The following MAP3K7 variants were observed in gnomAD, a reference collection of about 807,000 sequenced individuals.
The protein encoded by MAP3K7 is mitogen-activated protein kinase kinase kinase 7, also known as TGF-beta activated kinase 1.
A neutral mutation model predicts 84.8 loss-of-function variants in MAP3K7; 21 were observed. The observed-to-expected ratio is 0.25, with a 90% confidence interval of 0.18 to 0.36. MAP3K7 has a LOEUF of 0.36. MAP3K7 is among the 10% of genes least tolerant of loss of function. MAP3K7 has a pLI of 1.00. For synonymous variants in MAP3K7, 241 were observed against 247.7 expected (o/e 0.97, Z 0.25); for missense variants, 503 against 747.7 (o/e 0.67, Z 3.82).
intron 2 of MAP3K7, among the ~76,000 whole-genome samples, chr6:90,569,957 T>C (rs916283312): frequency 1.7e-4 from 26 of 152,316 alleles, no homozygotes; most frequent in Non-Finnish European, 1.3e-4. Flanking sequence ...TGTATGCTAA[T>C]AAAAAGCTCT....
At chr6:90,520,281 A>ATCCT (rs1775106116) in intron 14 of MAP3K7, among the ~76,000 whole-genome samples, 1 of 152,072 alleles carries the variant, frequency 6.6e-6, no homozygotes, top group Non-Finnish European at 1.5e-5. Flanking sequence ...CAAGTCAGGA[A>ATCCT]GACAGCAGAC....
At chr6:90,531,540 A>T (rs144884304) in intron 13 of MAP3K7, among the ~76,000 whole-genome samples, 2,148 of 152,332 alleles carry the variant, frequency 0.014, 19 homozygotes, top group Non-Finnish European at 0.023. Flanking sequence ...TACTGAAAAT[A>T]TTCTTTCTAA....
chr6:90,569,074 CCTAATGTGCA>C (rs1448331906), intron 2 of MAP3K7, among the ~76,000 whole-genome samples: 1 of 152,078 alleles, frequency 6.6e-6, no homozygotes, highest in African/African-American at 2.4e-5. Context: ...TGCGTGGGGC[CCTAATGTGCA>C]CTTTATAGAT....
chr6:90,531,940 C>T (rs205345), intron 13 of MAP3K7, among the ~76,000 whole-genome samples: 3 of 149,134 alleles, frequency 2.0e-5, no homozygotes, highest in Admixed American at 6.7e-5. Flanking sequence ...TGGCTGACAG[C>T]GGGGACTGTG....
intron 4 of MAP3K7, 109 bp downstream of exon 4, chr6:90,561,513 T>C: frequency 1.4e-6 from 1 of 727,498 alleles, no homozygotes; most frequent in Non-Finnish European, 2.3e-6. Flanking sequence ...TATGCCCTTT[T>C]GGGACTCTGA....
intron 1 of MAP3K7, among the ~76,000 whole-genome samples, chr6:90,579,327 T>C (rs1434292294): frequency 6.6e-6 from 1 of 152,334 alleles, no homozygotes; most frequent in Non-Finnish European, 1.5e-5. Flanking sequence ...CAAAGATGGC[T>C]GTCAACAATC....
intron 14 of MAP3K7, among the ~76,000 whole-genome samples, chr6:90,519,887 G>A (rs1333574809): frequency 1.3e-5 from 2 of 151,976 alleles, no homozygotes; most frequent in Non-Finnish European, 2.9e-5. Context: ...GGTGATGAGA[G>A]TATATTACAA....
intron 1 of MAP3K7, among the ~76,000 whole-genome samples, chr6:90,585,856 T>A (rs898765597): frequency 1.3e-5 from 2 of 152,236 alleles, no homozygotes; most frequent in African/African-American, 4.8e-5. Context: ...CAGTCTATGT[T>A]ACTTATGGTG....
chr6:90,579,470 T>C (rs157434), intron 1 of MAP3K7, among the ~76,000 whole-genome samples: 10,783 of 152,166 alleles, frequency 0.071, 1,320 homozygotes, highest in African/African-American at 0.24. Flanking sequence ...GAATCTGTTC[T>C]CTAATCTCAT....
chr6:90,569,008 C>T (rs990161295), intron 2 of MAP3K7, among the ~76,000 whole-genome samples: 7 of 152,130 alleles, frequency 4.6e-5, no homozygotes, highest in African/African-American at 9.7e-5. Context: ...CCAAACCAGA[C>T]GTCATGCTAT....
At chr6:90,520,332 G>A (rs1196742114) in intron 14 of MAP3K7, among the ~76,000 whole-genome samples, 1 of 151,952 alleles carries the variant, frequency 6.6e-6, no homozygotes, top group East Asian at 1.9e-4. Flanking sequence ...AGGGTTGCTG[G>A]CTCAGTAATC....
At chr6:90,580,810 T>C (rs967149139) in intron 1 of MAP3K7, among the ~76,000 whole-genome samples, 1 of 152,234 alleles carries the variant, frequency 6.6e-6, no homozygotes, top group Non-Finnish European at 1.5e-5. Flanking sequence ...AAAAGGACTT[T>C]GGTTTTAAAA....
chr6:90,555,261 C>CT (rs377271264), intron 6 of MAP3K7, among the ~76,000 whole-genome samples: 102 of 146,204 alleles, frequency 7.0e-4, no homozygotes, highest in Middle Eastern at 3.7e-3. Flanking sequence ...TACTTGCATT[C>CT]TTTTTTTTTT....
intron 1 of MAP3K7, among the ~76,000 whole-genome samples, chr6:90,579,547 C>T (rs1206422660): frequency 6.6e-6 from 1 of 152,124 alleles, no homozygotes; most frequent in Non-Finnish European, 1.5e-5. Flanking sequence ...TTTAAAACTG[C>T]CTTTGAGACT....
Position 90,579,061 on chromosome 6 carries a change from G to A in MAP3K7, c.121-7254C>T, listed in dbSNP as rs1777180635. 2.0e-5 allele frequency among the ~76,000 whole-genome samples: 3 copies of A among 152,142 alleles called. No individual in the cohort carries two copies. The South Asian group carries it at 6.2e-4, about 32-fold the overall frequency. On this transcript the variant is annotated intron_variant, in intron 1 of 16. Coordinates refer to ENST00000369329, the MANE Select transcript of MAP3K7 (RefSeq NM_145331.3). ...AGGATCATGTAATTAGTAAATCAGAGTCAGCTTTCAGGTATGTTTCATGGT... is the reference window on the plus strand; with the variant it reads ...AGGATCATGTAATTAGTAAATCAGAATCAGCTTTCAGGTATGTTTCATGGT...
Position 90,523,768 on chromosome 6 carries a change from A to C in MAP3K7, c.1372T>G (p.Ser458Ala). 6.2e-7 allele frequency: 1 copy of C among 1,606,126 alleles called. No individual in the cohort carries two copies. The highest frequency in any genetic ancestry group is 8.5e-7 in the Non-Finnish European group (1 of 1,172,918). ...TEPGQVSSRS[S>A]SPSVRMITTS... The stretch of plus-strand genomic sequence containing the variant: ...GTAATCATTCTGACACTGGGACTGG[A>C]TGACCTACTGCTCACCTACAGGAAG... The change falls in exon 14 of 17, where the codon TCC (serine) becomes GCC (alanine). Residue 458 changes from serine (S) to alanine (A), a missense_variant. Physicochemically the swap from Ser to Ala is moderately conservative, Grantham distance 99 (BLOSUM62 1). Transcript: ENST00000369329.
At chr6:90,543,707 T>A (rs181047463) in intron 12 of MAP3K7, among the ~76,000 whole-genome samples, 39 of 152,114 alleles carry the variant, frequency 2.6e-4, no homozygotes, top group Admixed American at 4.6e-4. Flanking sequence ...GTGTGGAAAA[T>A]ATGTATTTCC....
At chr6:90,532,682 A>G (rs1182425469) in intron 13 of MAP3K7, among the ~76,000 whole-genome samples, 1 of 152,012 alleles carries the variant, frequency 6.6e-6, no homozygotes, top group Non-Finnish European at 1.5e-5. Context: ...AGGCATTTAT[A>G]AGAATGTATA....
Position 90,547,359 on chromosome 6 carries a change from G to T in MAP3K7, c.1109C>A (p.Ala370Asp). The stretch of plus-strand genomic sequence containing the variant: ...GCTCTCCACACTGCTCCCACGGGAG[G>T]CTCCCAAGCTTAAACGTCCAGATTC... ...QSESGRLSLG[A>D]SRGSSVESLP... The change falls in exon 11 of 17, where the codon GCC becomes GAC. Residue 370 changes from alanine (A) to aspartate (D), a missense_variant. This residue lies in a region of MAP3K7 where 286 missense variants were observed against 313.6 expected (regional missense o/e 0.91). Coordinates refer to ENST00000369329, the MANE Select transcript of MAP3K7 (RefSeq NM_145331.3). 12 of 1,611,596 alleles carry T rather than the reference G, an allele frequency of 7.4e-6. No homozygotes were observed. The highest frequency in any genetic ancestry group is 1.0e-5 in the Non-Finnish European group (12 of 1,179,142).
Sources: gnomAD v4.1 joint callset for allele counts (sites outside exome capture counted in the v4.1 genomes callset) on GRCh38, gnomAD v4.1.1 for gene constraint, gnomAD v4.1.1 regional missense constraint, MANE v1.5 for transcripts, NCBI Gene and HGNC (gene_info 2026-07-23, HGNC 2026-07-21) for gene names.